Variants in P3H2 observed in about 807,000 individuals in gnomAD.
The protein encoded by P3H2 is prolyl 3-hydroxylase 2, also known as leprecan-like 1.
Under a neutral mutation model 87.0 loss-of-function variants are expected in P3H2, and 80 were observed. That is an observed-to-expected ratio of 0.92 (90% CI 0.77 to 1.11). The LOEUF is 1.11. Ranked by LOEUF, P3H2 falls within the 50% of genes least tolerant of loss-of-function variation. The pLI is 0.00. For missense variants in P3H2, 1,001 were observed against 923.9 expected (o/e 1.08, Z -1.08); for synonymous variants, 367 against 359.3 (o/e 1.02, Z -0.24).
intron 1 of P3H2, among the ~76,000 whole-genome samples, chr3:190,030,967 C>T (rs1349035): frequency 0.59 from 89,351 of 151,884 alleles, 27,907 homozygotes; most frequent in Admixed American, 0.71. Flanking sequence ...ATTAAGAGTA[C>T]GTACTATAAT....
At chr3:189,962,563 T>C (rs974117395) in intron 14 of P3H2, among the ~76,000 whole-genome samples, 10 of 152,212 alleles carry the variant, frequency 6.6e-5, no homozygotes, top group South Asian at 2.1e-4. Context: ...ACAAAACATA[T>C]ACTGTTCTCT....
chr3:190,073,131 A>G (rs1726760852), intron 1 of P3H2, among the ~76,000 whole-genome samples: 1 of 152,238 alleles, frequency 6.6e-6, no homozygotes, highest in South Asian at 2.1e-4. Flanking sequence ...TTTGGCACTA[A>G]AGAACAGATA....
intron 1 of P3H2, among the ~76,000 whole-genome samples, chr3:190,075,276 AG>A (rs1283947817): frequency 6.6e-6 from 1 of 152,210 alleles, no homozygotes; most frequent in Non-Finnish European, 1.5e-5. Flanking sequence ...ACCTGAGATC[AG>A]GAGTTCGAGA....
chr3:189,967,121 T>A (rs1419205171), intron 13 of P3H2, among the ~76,000 whole-genome samples: 1 of 152,106 alleles, frequency 6.6e-6, no homozygotes, highest in African/African-American at 2.4e-5. Flanking sequence ...TGGGGAAAGA[T>A]AAGAACTGCC....
At chr3:190,097,779 AG>A (rs1289180687) in intron 1 of P3H2, among the ~76,000 whole-genome samples, 1 of 152,284 alleles carries the variant, frequency 6.6e-6, no homozygotes, top group Admixed American at 6.5e-5. Flanking sequence ...TGTTTTAAGC[AG>A]CAGCTTTCAT....
Position 189,973,931 on chromosome 3 carries a change from G to C in P3H2, c.1526C>G (p.Ala509Gly), listed in dbSNP as rs778358506. 6.2e-7 allele frequency: 1 copy of C among 1,613,788 alleles called. No individual in the cohort carries two copies. The highest frequency in any genetic ancestry group is 8.5e-7 in the Non-Finnish European group (1 of 1,179,724). The part of the protein sequence containing the change: ...PHTPNEKFEG[A>G]TVLKALKSGY... Reference sequence around the variant, plus strand: ...TACTTTGAGTGCTTTCAGGACAGTTGCACCTTCAAACTTTTCATTGGGTGT... The same window carrying C: ...TACTTTGAGTGCTTTCAGGACAGTTCCACCTTCAAACTTTTCATTGGGTGT... Residue 509 changes from alanine (A) to glycine (G), a missense_variant, in exon 10 of 15, where the codon GCA becomes GGA. By Grantham distance (60) the Ala-to-Gly change is moderately conservative. Transcript: ENST00000319332.
chr3:189,971,590 C>T (rs938573176), intron 12 of P3H2: 5 of 378,634 alleles, frequency 1.3e-5, no homozygotes, highest in African/African-American at 1.1e-4. Flanking sequence ...AATACATATA[C>T]CACAAGGAAT....
At chr3:190,115,147 T>A (rs550951582) in intron 1 of P3H2, among the ~76,000 whole-genome samples, 1 of 152,340 alleles carries the variant, frequency 6.6e-6, no homozygotes, top group South Asian at 2.1e-4. Context: ...TGTAATTGTG[T>A]CTTTATTTTT....
chr3:190,094,281 A>C lies in P3H2; in HGVS notation c.480+25971T>G, dbSNP rs1442981720. ...ATCCAAGTAACAAGCAGGAAATTCC[A>C]AGCTTGAAGTTATAGTTTCTATTTA... On this transcript the variant is annotated intron_variant, in intron 1 of 14. Transcript: ENST00000319332. 2.0e-5 allele frequency among the ~76,000 whole-genome samples: 3 copies of C among 152,354 alleles called. No homozygotes were observed. In the East Asian group the frequency reaches 5.8e-4, roughly 29 times the overall value.
chr3:189,974,030 T>C, intron 9 of P3H2, 26 bp from the exon 10 acceptor site: 1 of 1,556,830 alleles, frequency 6.4e-7, no homozygotes, highest in Non-Finnish European at 8.9e-7. Flanking sequence ...AGAAGATACG[T>C]CATCAATGAT....
At chr3:190,090,187 T>C (rs1727362654) in intron 1 of P3H2, among the ~76,000 whole-genome samples, 1 of 152,142 alleles carries the variant, frequency 6.6e-6, no homozygotes, top group South Asian at 2.1e-4. Context: ...CATGGCTACA[T>C]CCCCAAATAG....
chr3:190,025,304 G>A (rs181704719), intron 1 of P3H2, among the ~76,000 whole-genome samples: 15 of 151,040 alleles, frequency 9.9e-5, no homozygotes, highest in South Asian at 4.2e-4. Flanking sequence ...TTTCTCTTTC[G>A]CAGGCTAAAA....
chr3:189,962,715 C>G (rs767726113), intron 14 of P3H2, among the ~76,000 whole-genome samples: 2 of 152,148 alleles, frequency 1.3e-5, no homozygotes, highest in Admixed American at 1.3e-4. Context: ...TAAAAGGTCA[C>G]AATAGGTCTT....
chr3:190,098,409 A>C (rs1577322941), intron 1 of P3H2, among the ~76,000 whole-genome samples: 1 of 152,240 alleles, frequency 6.6e-6, no homozygotes, highest in East Asian at 1.9e-4. Context: ...GAGGTCTGAA[A>C]GTGACAACAG....
At chr3:189,991,963 T>C (rs973748873) in intron 3 of P3H2, among the ~76,000 whole-genome samples, 22 of 151,986 alleles carry the variant, frequency 1.4e-4, no homozygotes, top group African/African-American at 4.8e-4. Context: ...AGTTAGGAAG[T>C]GTTCAGTGCT....
At chr3:189,997,135 C>A (rs1484520642) in intron 1 of P3H2, among the ~76,000 whole-genome samples, 1 of 152,210 alleles carries the variant, frequency 6.6e-6, no homozygotes, top group Non-Finnish European at 1.5e-5. Flanking sequence ...GATTCTCCTG[C>A]CTCAGCCTCC....
intron 1 of P3H2, among the ~76,000 whole-genome samples, chr3:190,105,094 T>G (rs928105817): frequency 1.3e-5 from 2 of 152,202 alleles, no homozygotes; most frequent in Non-Finnish European, 2.9e-5. Context: ...TGGAGTCTTA[T>G]AGACTTTGGA....
chr3:190,037,521 G>A (rs1039655234), intron 1 of P3H2, among the ~76,000 whole-genome samples: 5 of 152,082 alleles, frequency 3.3e-5, no homozygotes, highest in Non-Finnish European at 5.9e-5. Flanking sequence ...GTTTGACTTA[G>A]TTACCTGAAT....
chr3:190,093,021 A>C (rs1727464232), intron 1 of P3H2, among the ~76,000 whole-genome samples: 1 of 152,216 alleles, frequency 6.6e-6, no homozygotes, highest in Non-Finnish European at 1.5e-5. Context: ...TTCACCACCC[A>C]AAATTCCTCC....
Sources: allele counts gnomAD v4.1 joint callset (sites outside exome capture counted in the v4.1 genomes callset), GRCh38; gene constraint gnomAD v4.1.1; transcripts MANE v1.5; gene names NCBI Gene and HGNC (gene_info 2026-07-23, HGNC 2026-07-21).